FCHSD2: variants seen among roughly 807,000 people sequenced by gnomAD.
FCHSD2 encodes FCH and double SH3 domains 2.
Under a neutral mutation model 108.1 loss-of-function variants are expected in FCHSD2, and 38 were observed. That is an observed-to-expected ratio of 0.35 (90% CI 0.27 to 0.46). The LOEUF (loss-of-function observed/expected upper bound fraction) is 0.46, where lower values mean the gene tolerates loss of function less well. FCHSD2 is among the 20% of genes least tolerant of loss of function. The pLI is 1.00. For synonymous variants in FCHSD2, 279 were observed against 314.7 expected (o/e 0.89, Z 1.20); for missense variants, 751 against 897.8 (o/e 0.84, Z 2.09).
At chr11:72,898,339 G>A (rs1176487671) in intron 10 of FCHSD2, among the ~76,000 whole-genome samples, 2 of 152,146 alleles carry the variant, frequency 1.3e-5, no homozygotes, top group East Asian at 1.9e-4. Flanking sequence ...TATATCTTAC[G>A]TAAATTTAGA....
intron 3 of FCHSD2, among the ~76,000 whole-genome samples, chr11:73,069,729 A>G (rs1591529741): frequency 6.6e-6 from 1 of 152,192 alleles, no homozygotes; most frequent in Non-Finnish European, 1.5e-5. Context: ...ATGTTGAAGA[A>G]GCAATATTTA....
intron 12 of FCHSD2, among the ~76,000 whole-genome samples, chr11:72,881,414 A>C (rs1176632671): frequency 6.6e-6 from 1 of 152,262 alleles, no homozygotes; most frequent in African/African-American, 2.4e-5. Flanking sequence ...TGCAGAAAAA[A>C]GGGAACTGTT....
At chr11:72,983,363 A>G (rs941062737) in intron 8 of FCHSD2, among the ~76,000 whole-genome samples, 3 of 151,790 alleles carry the variant, frequency 2.0e-5, no homozygotes, top group African/African-American at 7.3e-5. Context: ...CCAGCTACTC[A>G]GGAGGATGAG....
intron 3 of FCHSD2, among the ~76,000 whole-genome samples, chr11:73,079,107 C>T (rs1482500463): frequency 6.6e-6 from 1 of 152,104 alleles, no homozygotes; most frequent in East Asian, 1.9e-4. Context: ...AAGGACTTGT[C>T]CATCTTACTA....
chr11:73,018,560 A>C (rs1166188134), intron 3 of FCHSD2, among the ~76,000 whole-genome samples: 1 of 150,164 alleles, frequency 6.7e-6, no homozygotes, highest in Non-Finnish European at 1.5e-5. Flanking sequence ...GCTATAGCAG[A>C]TCACCTAGAA....
chr11:72,950,886 T>C (rs1449775434), intron 8 of FCHSD2, among the ~76,000 whole-genome samples: 1 of 152,194 alleles, frequency 6.6e-6, no homozygotes, highest in South Asian at 2.1e-4. Flanking sequence ...CCTCCATACC[T>C]GCTGTGAGAT....
intron 2 of FCHSD2, among the ~76,000 whole-genome samples, chr11:73,097,379 TA>T (rs1279052910): frequency 6.6e-6 from 1 of 151,222 alleles, no homozygotes; most frequent in Non-Finnish European, 1.5e-5. Flanking sequence ...TTATTTTATT[TA>T]TTTATTTTTT....
At chr11:73,088,468 T>C (rs1442514599) in intron 2 of FCHSD2, among the ~76,000 whole-genome samples, 2 of 152,176 alleles carry the variant, frequency 1.3e-5, no homozygotes, top group African/African-American at 4.8e-5. Flanking sequence ...CGTGTGTGTG[T>C]GTGCGTTTGT....
intron 8 of FCHSD2, among the ~76,000 whole-genome samples, chr11:72,954,027 A>G (rs903400176): frequency 1.3e-5 from 2 of 152,150 alleles, no homozygotes; most frequent in African/African-American, 4.8e-5. Flanking sequence ...GACCAAAGAA[A>G]TGACATAATC....
At chr11:73,042,419 G>A (rs1164780215) in intron 3 of FCHSD2, among the ~76,000 whole-genome samples, 1 of 152,088 alleles carries the variant, frequency 6.6e-6, no homozygotes, top group Non-Finnish European at 1.5e-5. Context: ...TGTTCTATGT[G>A]TCTGTATTTA....
At chr11:72,901,802 T>C (rs1016744105) in intron 10 of FCHSD2, among the ~76,000 whole-genome samples, 7 of 152,240 alleles carry the variant, frequency 4.6e-5, no homozygotes, top group African/African-American at 1.4e-4. Flanking sequence ...CTATAATCTT[T>C]TATAAGACCA....
At chr11:73,032,232 G>GT (rs897716297) in intron 3 of FCHSD2, among the ~76,000 whole-genome samples, 2 of 152,146 alleles carry the variant, frequency 1.3e-5, no homozygotes, top group East Asian at 3.9e-4. Flanking sequence ...ATTGTTCAAT[G>GT]TTTTTTTATT....
chr11:73,063,127 C>G (rs1183509233), intron 3 of FCHSD2, among the ~76,000 whole-genome samples: 1 of 152,074 alleles, frequency 6.6e-6, no homozygotes, highest in African/African-American at 2.4e-5. Flanking sequence ...GAGTGGGGGC[C>G]AATAGTCAAC....
chr11:73,108,459 T>C (rs1315097879), intron 2 of FCHSD2, among the ~76,000 whole-genome samples: 3 of 152,274 alleles, frequency 2.0e-5, no homozygotes, highest in Non-Finnish European at 4.4e-5. Flanking sequence ...TTGTGTAGTA[T>C]TACTCAAGAA....
intron 8 of FCHSD2, among the ~76,000 whole-genome samples, chr11:72,976,995 G>A (rs754078710): frequency 7.3e-5 from 11 of 150,880 alleles, no homozygotes; most frequent in South Asian, 2.1e-4. Flanking sequence ...GCATGATCTC[G>A]GCACACTGTG....
intron 2 of FCHSD2, among the ~76,000 whole-genome samples, chr11:73,098,616 A>T (rs893056686): frequency 6.6e-6 from 1 of 152,152 alleles, no homozygotes; most frequent in African/African-American, 2.4e-5. Flanking sequence ...AAAAAAAAAC[A>T]AACATCTATG....
intron 8 of FCHSD2, among the ~76,000 whole-genome samples, chr11:72,969,837 C>G (rs115419800): frequency 3.3e-5 from 5 of 152,142 alleles, no homozygotes; most frequent in Non-Finnish European, 7.3e-5. Flanking sequence ...GAAGTTTAAA[C>G]ACACACATTG....
At chr11:72,892,638 T>C (rs1855339636) in intron 10 of FCHSD2, among the ~76,000 whole-genome samples, 1 of 152,226 alleles carries the variant, frequency 6.6e-6, no homozygotes, top group African/African-American at 2.4e-5. Flanking sequence ...AGAGTCTCAC[T>C]CTGTTGGCCA....
chr11:72,890,572 CTA>C (rs950078490), intron 10 of FCHSD2, among the ~76,000 whole-genome samples: 15 of 152,064 alleles, frequency 9.9e-5, no homozygotes, highest in African/African-American at 3.6e-4. Context: ...CTCTAAAATG[CTA>C]TGATTCTGAT....
Sources: allele counts gnomAD v4.1 joint callset (sites outside exome capture counted in the v4.1 genomes callset), GRCh38; gene constraint gnomAD v4.1.1; transcripts MANE v1.5; gene names NCBI Gene and HGNC (gene_info 2026-07-23, HGNC 2026-07-21).